The following PDE4D variants were observed in gnomAD, a reference collection of about 807,000 sequenced individuals.
PDE4D encodes the protein phosphodiesterase 4D, also known as 3',5'-cyclic-AMP phosphodiesterase 4D.
PDE4D carries 24 observed loss-of-function variants against 87.4 expected under a neutral mutation model. The ratio of observed to expected loss-of-function variants is 0.27; its 90% CI spans 0.20 to 0.39. PDE4D has a LOEUF of 0.39. PDE4D is among the 10% of genes least tolerant of loss of function. PDE4D has a pLI of 1.00. For synonymous variants in PDE4D, 384 were observed against 383.2 expected, an observed-to-expected ratio of 1.00 and a Z score of -0.02; for missense variants, 714 against 1,041.0, an observed-to-expected ratio of 0.69 and a Z score of 4.32.
chr5:59,332,428 A>G lies in PDE4D; in HGVS notation c.456-116460T>C, dbSNP rs185913904. Among the ~76,000 whole-genome samples the G allele has an allele frequency of 1.1e-4, 16 of 152,268 alleles. No individual in the cohort carries two copies. In the East Asian group the frequency reaches 3.1e-3, roughly 29 times the overall value. On this transcript the variant is annotated intron_variant, in intron 1 of 14. Transcript: ENST00000340635. ...ACATGCTTGCCTAATGTTTTGCAAG[A>G]TCTGGCTTCAAGGCACTCTTAGATA...
intron 1 of PDE4D, among the ~76,000 whole-genome samples, chr5:59,773,116 G>C (rs1763741366): frequency 6.6e-6 from 1 of 152,186 alleles, no homozygotes; most frequent in South Asian, 2.1e-4. Flanking sequence ...GGAACTTAGA[G>C]AAATTCACAC....
intron 2 of PDE4D, among the ~76,000 whole-genome samples, chr5:60,120,239 G>A (rs527393370): frequency 4.5e-4 from 68 of 152,290 alleles, no homozygotes; most frequent in Middle Eastern, 3.4e-3. Context: ...AAGTGAAGCA[G>A]AGCTTACTGT....
intron 1 of PDE4D, among the ~76,000 whole-genome samples, chr5:60,277,698 G>C (rs1435305134): frequency 6.6e-6 from 1 of 151,974 alleles, no homozygotes; most frequent in Non-Finnish European, 1.5e-5. Context: ...TGCAATAATT[G>C]GTATGCTAGG....
intron 1 of PDE4D, among the ~76,000 whole-genome samples, chr5:59,291,464 G>A (rs1767989426): frequency 1.3e-5 from 2 of 151,720 alleles, no homozygotes; most frequent in Non-Finnish European, 2.9e-5. Flanking sequence ...GATACTTAGC[G>A]GGTATAAAAA....
intron 2 of PDE4D, among the ~76,000 whole-genome samples, chr5:59,205,449 C>T (rs1748528543): frequency 6.6e-6 from 1 of 151,962 alleles, no homozygotes; most frequent in Non-Finnish European, 1.5e-5. Flanking sequence ...GGATTTGAGC[C>T]CAGGCCTTCA....
chr5:60,380,679 T>G (rs1761791888), intron 1 of PDE4D, among the ~76,000 whole-genome samples: 1 of 152,180 alleles, frequency 6.6e-6, no homozygotes, highest in Non-Finnish European at 1.5e-5. Flanking sequence ...ACATCCTAAG[T>G]TCACTGATAT....
intron 1 of PDE4D, among the ~76,000 whole-genome samples, chr5:60,258,794 A>G (rs1749353309): frequency 6.6e-6 from 1 of 151,986 alleles, no homozygotes; most frequent in African/African-American, 2.4e-5. Flanking sequence ...ATTTTATTGT[A>G]AAAATATTTC....
intron 1 of PDE4D, among the ~76,000 whole-genome samples, chr5:59,845,925 G>C (rs1743775185): frequency 6.6e-6 from 1 of 152,010 alleles, no homozygotes; most frequent in South Asian, 2.1e-4. Context: ...TTATGTGCTG[G>C]AGCTGAGTGA....
intron 3 of PDE4D, among the ~76,000 whole-genome samples, chr5:59,922,563 G>A (rs1754790476): frequency 6.6e-6 from 1 of 152,060 alleles, no homozygotes; most frequent in Non-Finnish European, 1.5e-5. Context: ...ACCATTACAG[G>A]CCTTACCTCC....
intron 1 of PDE4D, among the ~76,000 whole-genome samples, chr5:59,412,072 G>C (rs1792779954): frequency 6.6e-6 from 1 of 152,158 alleles, no homozygotes; most frequent in Admixed American, 6.5e-5. Flanking sequence ...TGTTGAGAAG[G>C]ATAAGAACAG....
chr5:59,554,603 TCA>T (rs1818609965), intron 1 of PDE4D, among the ~76,000 whole-genome samples: 1 of 152,206 alleles, frequency 6.6e-6, no homozygotes, highest in South Asian at 2.1e-4. Context: ...CTATGATTTC[TCA>T]CACTATGACT....
chr5:59,711,307 T>G (rs988205418), intron 1 of PDE4D, among the ~76,000 whole-genome samples: 4 of 152,122 alleles, frequency 2.6e-5, no homozygotes, highest in African/African-American at 9.6e-5. Flanking sequence ...GCCCTTAGTA[T>G]AATCCCTTAA....
intron 1 of PDE4D, among the ~76,000 whole-genome samples, chr5:60,290,292 A>G (rs1336002833): frequency 6.6e-6 from 1 of 152,238 alleles, no homozygotes; most frequent in African/African-American, 2.4e-5. Flanking sequence ...GTAAATGATT[A>G]TAAATCATAA....
intron 1 of PDE4D, among the ~76,000 whole-genome samples, chr5:59,872,209 A>T (rs1427018245): frequency 6.6e-6 from 1 of 151,786 alleles, no homozygotes; most frequent in Admixed American, 6.6e-5. Context: ...ATGGATTCTG[A>T]GCATTATCCT....
intron 1 of PDE4D, among the ~76,000 whole-genome samples, chr5:59,364,927 A>C (rs1295082442): frequency 6.6e-6 from 1 of 151,086 alleles, no homozygotes; most frequent in Non-Finnish European, 1.5e-5. Flanking sequence ...CATGTTTAGC[A>C]TCACCTCACA....
intron 2 of PDE4D, among the ~76,000 whole-genome samples, chr5:60,128,154 T>C (rs1326308867): frequency 6.6e-6 from 1 of 152,162 alleles, no homozygotes; most frequent in East Asian, 1.9e-4. Context: ...GGATAACTTA[T>C]CCAAAACTGT....
At chr5:59,622,931 C>T (rs1830501956) in intron 1 of PDE4D, among the ~76,000 whole-genome samples, 1 of 152,112 alleles carries the variant, frequency 6.6e-6, no homozygotes, top group Non-Finnish European at 1.5e-5. Context: ...GATTCTTTAT[C>T]GTTGTGATCA....
intron 1 of PDE4D, among the ~76,000 whole-genome samples, chr5:60,236,890 T>C (rs926215816): frequency 3.9e-5 from 6 of 151,984 alleles, no homozygotes; most frequent in African/African-American, 1.4e-4. Context: ...TTCAGTCTGG[T>C]GAAAACTGTG....
chr5:59,834,678 G>A (rs1316938944), intron 1 of PDE4D, among the ~76,000 whole-genome samples: 3 of 151,988 alleles, frequency 2.0e-5, no homozygotes, highest in Non-Finnish European at 4.4e-5. Flanking sequence ...TGTTGACTGA[G>A]CATTGTTCCC....
Sources: allele counts gnomAD v4.1 joint callset (sites outside exome capture counted in the v4.1 genomes callset), GRCh38; gene constraint gnomAD v4.1.1; transcripts MANE v1.5; gene names NCBI Gene and HGNC (gene_info 2026-07-23, HGNC 2026-07-21).